HMCN2: variants seen among roughly 807,000 people sequenced by gnomAD.
HMCN2 encodes the protein hemicentin 2.
Under a neutral mutation model 377.5 loss-of-function variants are expected in HMCN2, and 325 were observed. The ratio of observed to expected loss-of-function variants is 0.86; its 90% CI spans 0.79 to 0.94. The LOEUF (loss-of-function observed/expected upper bound fraction) is 0.94. Among genes scored for constraint, HMCN2 ranks in the 40% least tolerant of loss-of-function variants. HMCN2 has a pLI of 0.00. For missense variants in HMCN2, 4,543 were observed against 4,725.3 expected, an observed-to-expected ratio of 0.96 and a Z score of 1.13; for synonymous variants, 2,007 against 2,046.8, an observed-to-expected ratio of 0.98 and a Z score of 0.53.
At position 130,410,624 on chromosome 9, in the gene HMCN2, G is replaced by A. The variant is rs763300453; in HGVS notation, c.12933G>A (p.Ala4311=). 11 of 1,550,624 alleles carry A rather than the reference G, an allele frequency of 7.1e-6. No individual in the cohort carries two copies. In the East Asian group the frequency reaches 9.8e-5, roughly 14 times the overall value. Residue 4311 remains alanine, a synonymous_variant, in exon 85 of 98, where the codon GCG becomes GCA. Transcript: ENST00000683500. ...TGGCAGAGAATGAGATGGGCGTGGC[G>A]AAGAAAGTGGTGATCCTCGTCCTGC... ...QCLAENEMGV[A]KKVVILVLQS...
In HMCN2 at chr9:130,403,266, A is replaced by C. The variant is rs1266203758; in HGVS notation, c.11951A>C (p.Glu3984Ala). The C allele has an allele frequency of 3.1e-6, 4 of 1,289,632 alleles. No homozygotes were observed. The highest frequency in any genetic ancestry group is 4.0e-6 in the Non-Finnish European group (4 of 988,864). 79.9% of individuals were successfully genotyped at this position (1,289,632 alleles called of 1,614,324 possible). ...VAEEEVLLPCEASGIPRPTIT... is the reference protein window; with the variant it reads ...VAEEEVLLPCAASGIPRPTIT... ...GAGGAGGAGGTGCTGCTGCCCTGCG[A>C]GGCCTCAGGCATCCCCCGGCCGACC... Residue 3984 changes from glutamate to alanine, a missense_variant, in exon 79 of 98, where the codon GAG (glutamate) becomes GCG (alanine). Around this residue, in one of 5 missense-constraint regions of HMCN2, gnomAD observed 1,073 missense variants for 1,319.5 expected, o/e 0.81. Transcript: ENST00000683500.
At chr9:130,299,310 C>T (rs1836341576) in intron 8 of HMCN2, 22 bp downstream of exon 8, 1 of 432,328 alleles carries the variant, frequency 2.3e-6, no homozygotes, top group Admixed American at 2.6e-5. Flanking sequence ...GCTCTTTTGT[C>T]TCCCAGGCCC....
Position 130,393,544 on chromosome 9 carries a change from A to G in HMCN2, c.10235-198A>G, listed in dbSNP as rs557853741. On this transcript the variant is annotated intron_variant, in intron 67 of 97. Transcript: ENST00000683500. This position sits in a 1 kb window ranked among gnomAD's most constrained non-coding sequence, Gnocchi z 5.2. ...GGGGCAGAGAGGCAGGAAGCAGCTC[A>G]GTAAAGAGACAATCACAATTCCAGG... Among the ~76,000 whole-genome samples the G allele has an allele frequency of 6.6e-6, 1 of 152,272 alleles. No homozygotes were observed. The highest frequency in any genetic ancestry group is 6.5e-5 in the Admixed American group (1 of 15,302).
At chr9:130,284,999 G>A (rs1171339707) in intron 2 of HMCN2, among the ~76,000 whole-genome samples, 159 bp from the exon 3 acceptor site, 1 of 152,224 alleles carries the variant, frequency 6.6e-6, no homozygotes, top group Non-Finnish European at 1.5e-5. Flanking sequence ...GTTAAAGCAG[G>A]TTGGATGTTA....
At chr9:130,358,525 G>A (rs1234491833) in intron 36 of HMCN2, 39 bp downstream of exon 36, 13 of 1,304,128 alleles carry the variant, frequency 1.0e-5, no homozygotes, top group Non-Finnish European at 1.2e-5. Context: ...AGGCCAGCAT[G>A]TTGGGTGATC....
intron 34 of HMCN2, among the ~76,000 whole-genome samples, chr9:130,356,969 G>T (rs1270525333): frequency 6.6e-6 from 1 of 152,030 alleles, no homozygotes; most frequent in Non-Finnish European, 1.5e-5. Flanking sequence ...AGGGTGGATG[G>T]ATGGATGGAT....
At chr9:130,329,631 C>T (rs990750340) in intron 22 of HMCN2, among the ~76,000 whole-genome samples, 2 of 152,010 alleles carry the variant, frequency 1.3e-5, no homozygotes, top group African/African-American at 4.8e-5. Context: ...TTAGTAGAGA[C>T]GGGGTTTCAC....
At chr9:130,302,131 T>C (rs533384326) in intron 8 of HMCN2, among the ~76,000 whole-genome samples, 31 of 151,386 alleles carry the variant, frequency 2.0e-4, no homozygotes, top group Non-Finnish European at 4.0e-4. Flanking sequence ...AGTCTCCGCC[T>C]CCCGGATCCC....
At position 130,433,398 on chromosome 9, in the gene HMCN2, C is replaced by T. The variant is rs1269301653; in HGVS notation, c.14945C>T (p.Thr4982Met). The T allele has an allele frequency of 6.7e-7, 1 of 1,489,270 alleles. No homozygotes were observed. Among genetic ancestry groups the T allele is most frequent in the Admixed American group, 2.2e-5 (1 of 45,016 alleles). 92.3% of individuals were successfully genotyped at this position (1,489,270 alleles called of 1,614,324 possible). A position where few individuals can be genotyped will look rare whatever the true frequency, so the allele number is the denominator to read the frequency against. ...GACTGCGGCACGGGCGGCCCCTCTA[C>T]GCTGCAGTACCGGCTGCTGCCGCTG... The part of the protein sequence containing the change: ...SQDCGTGGPS[T>M]LQYRLLPLPL... Residue 4982 changes from threonine to methionine, a missense_variant, in exon 98 of 98, where the codon ACG (threonine) becomes ATG (methionine). Transcript: ENST00000683500.
At chr9:130,292,494 G>A (rs782373515) in intron 4 of HMCN2, among the ~76,000 whole-genome samples, 23 of 152,190 alleles carry the variant, frequency 1.5e-4, no homozygotes, top group Admixed American at 9.2e-4. Context: ...TTTCTCTGAA[G>A]TACAATTTCT....
At chr9:130,383,452 G>A in intron 56 of HMCN2, 52 bp from the exon 57 acceptor site, 1 of 821,926 alleles carries the variant, frequency 1.2e-6, no homozygotes, top group Non-Finnish European at 1.5e-6. Flanking sequence ...TGGGGGTGGT[G>A]GTGTCCAAGG....
intron 85 of HMCN2, 88 bp from the exon 86 acceptor site, chr9:130,418,684 G>T (rs779802031): frequency 9.5e-6 from 11 of 1,157,440 alleles, no homozygotes; most frequent in Non-Finnish European, 1.3e-5. Context: ...TGCTTCTCTG[G>T]ATTTCCCAGT....
chr9:130,403,324 T>TA lies in HMCN2; in HGVS notation c.12010dup (p.Thr4004AsnfsTer31), dbSNP rs1346060772. ...GGCAGAAGGAAGGGCTCAACGTCGC[T>TA]ACTGGTGAGGGCCCCTGGCAGCCAG... is the stretch of plus-strand genomic sequence containing the variant. On this transcript the variant is annotated frameshift_variant, in exon 79 of 98. Coordinates refer to ENST00000683500, the MANE Select transcript of HMCN2 (RefSeq NM_001291815.2). LOFTEE classifies it high-confidence loss of function. 3 of 1,289,738 alleles carry TA rather than the reference T, an allele frequency of 2.3e-6. No individual in the cohort carries two copies. The highest frequency in any genetic ancestry group is 3.0e-6 in the Non-Finnish European group (3 of 988,876). The allele number at this position is 1,289,738 out of a possible 1,614,324, so 79.9% of individuals were successfully genotyped here. A position where few individuals can be genotyped will look rare whatever the true frequency, so the allele number is the denominator to read the frequency against.
chr9:130,331,833 G>A (rs1000456229), intron 22 of HMCN2, among the ~76,000 whole-genome samples: 2 of 152,318 alleles, frequency 1.3e-5, no homozygotes, highest in South Asian at 4.1e-4. Context: ...CAGCCGGCCA[G>A]CATTCCACAC....
chr9:130,286,339 G>C (rs1554927743), intron 4 of HMCN2, 29 bp downstream of exon 4: 1 of 469,938 alleles, frequency 2.1e-6, no homozygotes, highest in Admixed American at 2.3e-5. Context: ...CACCATCCCG[G>C]AGCCCATCAC....
At chr9:130,310,097 T>G in intron 15 of HMCN2, 36 bp downstream of exon 15, 1 of 490,258 alleles carries the variant, frequency 2.0e-6, no homozygotes. Context: ...CCCCTGCCCA[T>G]TCCCCTTTCC....
At chr9:130,373,826 T>C (rs1178597547) in intron 48 of HMCN2, among the ~76,000 whole-genome samples, 1 of 144,062 alleles carries the variant, frequency 6.9e-6, no homozygotes, top group Non-Finnish European at 1.5e-5. Flanking sequence ...GGTAGATGAA[T>C]GGGTGGATGA....
rs1002006544 is a variant in HMCN2 at position 130,265,828 on chromosome 9, G to A, written c.-51G>A. The A allele has an allele frequency of 3.2e-6, 1 of 317,282 alleles. No homozygotes were observed. Among genetic ancestry groups the A allele is most frequent in the African/African-American group, 2.4e-5 (1 of 42,416 alleles). 19.7% of individuals were successfully genotyped at this position (317,282 alleles called of 1,614,324 possible). On this transcript the variant is annotated 5_prime_UTR_variant, in exon 1 of 98. Coordinates refer to ENST00000683500, the MANE Select transcript of HMCN2 (RefSeq NM_001291815.2). Reference sequence around the variant, plus strand: ...CCGTGTGCACCGGGGCGGCCGGCTAGCTCCGACCTGCGCCTCCACCGCAGC... The same window carrying A: ...CCGTGTGCACCGGGGCGGCCGGCTAACTCCGACCTGCGCCTCCACCGCAGC...
intron 1 of HMCN2, among the ~76,000 whole-genome samples, chr9:130,275,837 C>T (rs1554922911): frequency 7.1e-6 from 1 of 140,142 alleles, no homozygotes; most frequent in African/African-American, 2.8e-5. Flanking sequence ...TTAACCTGGC[C>T]CTGGGCACGT....
Sources: allele counts gnomAD v4.1 joint callset (sites outside exome capture counted in the v4.1 genomes callset), GRCh38; gene constraint gnomAD v4.1.1; regional missense constraint gnomAD v4.1.1; non-coding constraint Gnocchi (gnomAD v3.1); transcripts MANE v1.5; gene names NCBI Gene and HGNC (gene_info 2026-07-23, HGNC 2026-07-21).